ELMO1: variants seen among roughly 807,000 people sequenced by gnomAD.
ELMO1 encodes the protein engulfment and cell motility 1.
In ELMO1, 26 loss-of-function variants were observed where a neutral mutation model predicts 98.9. The observed-to-expected ratio is 0.26, with a 90% confidence interval of 0.19 to 0.36. ELMO1 has a LOEUF of 0.36. Ranked by LOEUF, ELMO1 falls within the 10% of genes least tolerant of loss-of-function variation. The pLI, the probability that ELMO1 is intolerant of heterozygous loss-of-function variation, is 1.00. For synonymous variants in ELMO1, 346 were observed against 346.0 expected (o/e 1.00, Z 0.00); for missense variants, 627 against 935.2 (o/e 0.67, Z 4.30).
At chr7:37,031,717 G>C (rs1466122171) in intron 15 of ELMO1, among the ~76,000 whole-genome samples, 1 of 152,090 alleles carries the variant, frequency 6.6e-6, no homozygotes, top group African/African-American at 2.4e-5. Flanking sequence ...TCAGTACTTA[G>C]GGCCTCAAAA....
intron 15 of ELMO1, among the ~76,000 whole-genome samples, chr7:37,017,135 C>T (rs1793988105): frequency 6.6e-6 from 1 of 152,174 alleles, no homozygotes; most frequent in Non-Finnish European, 1.5e-5. Flanking sequence ...GTTACGCTCC[C>T]CTTCTGGACC....
intron 13 of ELMO1, among the ~76,000 whole-genome samples, chr7:37,149,343 G>T (rs1788207417): frequency 6.6e-6 from 1 of 152,198 alleles, no homozygotes; most frequent in Non-Finnish European, 1.5e-5. Flanking sequence ...AATTGTGGGG[G>T]TAGGAGCCAA....
chr7:37,068,725 T>C (rs1797114537), intron 15 of ELMO1, among the ~76,000 whole-genome samples: 1 of 152,112 alleles, frequency 6.6e-6, no homozygotes, highest in African/African-American at 2.4e-5. Flanking sequence ...CATGCTGGTT[T>C]ACAAAAGGGG....
At position 37,384,110 on chromosome 7, in the gene ELMO1, C is replaced by T. The variant is rs890373595; in HGVS notation, c.-73-41347G>A. Among the ~76,000 whole-genome samples the T allele has an allele frequency of 1.2e-4, 19 of 152,144 alleles. No homozygotes were observed. The South Asian group carries it at 2.5e-3, about 20-fold the overall frequency. Reference sequence around the variant, plus strand: ...GATTACAGGCGTGAGCCACTGTGCCCGGCCGAAACATACAGGTTTTGATGG... The same window carrying T: ...GATTACAGGCGTGAGCCACTGTGCCTGGCCGAAACATACAGGTTTTGATGG... On this transcript the variant is annotated intron_variant, in intron 1 of 21. Coordinates refer to ENST00000310758, the MANE Select transcript of ELMO1 (RefSeq NM_014800.11).
At chr7:37,448,361 C>T (rs114514945) in intron 1 of ELMO1, among the ~76,000 whole-genome samples, 1 of 151,534 alleles carries the variant, frequency 6.6e-6, no homozygotes, top group East Asian at 1.9e-4. Context: ...GCCCCGGGCC[C>T]TGCGCTTCAT....
chr7:37,220,690 T>C (rs576836976), intron 10 of ELMO1, among the ~76,000 whole-genome samples: 1 of 152,210 alleles, frequency 6.6e-6, no homozygotes, highest in Non-Finnish European at 1.5e-5. Flanking sequence ...AAATGAACAG[T>C]AGTGTTTGGT....
rs186353837 is a variant in ELMO1, at chr7:37,122,197, G to A, written c.1191+10933C>T. ...CTGCAAAATCATGCCAAATTGTAAA[G>A]ACCATTGAGACTAGGAAGAAACTGC... On this transcript the variant is annotated intron_variant, in intron 14 of 21. Transcript: ENST00000310758. Among the ~76,000 whole-genome samples the A allele has an allele frequency of 1.9e-3, 289 of 152,312 alleles. 2 individuals carry two copies. Among genetic ancestry groups the A allele is most frequent in the Non-Finnish European group, 3.2e-3 (221 of 68,032 alleles).
At chr7:37,318,885 T>C (rs1047151663) in intron 2 of ELMO1, among the ~76,000 whole-genome samples, 3 of 152,196 alleles carry the variant, frequency 2.0e-5, no homozygotes, top group Admixed American at 2.0e-4. Flanking sequence ...CTTCCTTCTT[T>C]TTGAAACCCC....
chr7:37,440,957 A>T (rs1209965301), intron 1 of ELMO1, among the ~76,000 whole-genome samples: 1 of 152,096 alleles, frequency 6.6e-6, no homozygotes, highest in African/African-American at 2.4e-5. Flanking sequence ...GGCCAAGGGT[A>T]AAGCCAGCTG....
At chr7:37,374,200 C>A (rs1802232177) in intron 1 of ELMO1, among the ~76,000 whole-genome samples, 2 of 152,136 alleles carry the variant, frequency 1.3e-5, no homozygotes, top group Admixed American at 6.5e-5. Flanking sequence ...GCCCTAACAC[C>A]AGTATGCCAG....
At chr7:37,094,105 G>A (rs1784257017) in intron 15 of ELMO1, among the ~76,000 whole-genome samples, 1 of 152,158 alleles carries the variant, frequency 6.6e-6, no homozygotes, top group African/African-American at 2.4e-5. Flanking sequence ...GTGGCATGTT[G>A]TAAGTACTGG....
intron 16 of ELMO1, among the ~76,000 whole-genome samples, chr7:37,009,340 G>A (rs1793384418): frequency 6.6e-6 from 1 of 152,144 alleles, no homozygotes; most frequent in Non-Finnish European, 1.5e-5. Context: ...GTGCTATATT[G>A]AGAAACTGAA....
At chr7:37,286,893 A>G (rs1179327303) in intron 4 of ELMO1, among the ~76,000 whole-genome samples, 1 of 152,178 alleles carries the variant, frequency 6.6e-6, no homozygotes, top group Non-Finnish European at 1.5e-5. Context: ...TTATCCAAAT[A>G]TTTTAAAAAT....
At chr7:37,161,016 T>C (rs927705369) in intron 13 of ELMO1, among the ~76,000 whole-genome samples, 2 of 152,136 alleles carry the variant, frequency 1.3e-5, no homozygotes, top group African/African-American at 2.4e-5. Flanking sequence ...TGGAAAGTAA[T>C]AGTATTACTC....
intron 16 of ELMO1, among the ~76,000 whole-genome samples, chr7:37,011,351 C>T (rs1251182512): frequency 3.3e-5 from 5 of 152,160 alleles, no homozygotes; most frequent in Non-Finnish European, 7.3e-5. Context: ...CTGTGCCCAC[C>T]TCCTCCATCC....
rs555775075 is a variant in ELMO1, at chr7:37,351,732, C to A, written c.-73-8969G>T. Among the ~76,000 whole-genome samples, 8 of 152,340 alleles carry A rather than the reference C, an allele frequency of 5.3e-5. No individual in the cohort carries two copies. The South Asian group carries it at 1.5e-3, about 28-fold the overall frequency. ...TCCTAATATATCAACCTAACCATAT[C>A]TGTTTACTGCCCTGAGTTCCAAACT... On this transcript the variant is annotated intron_variant, in intron 1 of 21. Transcript: ENST00000310758.
intron 2 of ELMO1, among the ~76,000 whole-genome samples, chr7:37,322,098 T>C (rs1483825626): frequency 6.6e-6 from 1 of 151,270 alleles, no homozygotes; most frequent in Non-Finnish European, 1.5e-5. Flanking sequence ...GACCTCATGA[T>C]CCGCCCGCCT....
intron 16 of ELMO1, among the ~76,000 whole-genome samples, chr7:36,970,179 TAACA>T (rs1292245039): frequency 1.8e-5 from 2 of 113,152 alleles, no homozygotes; most frequent in African/African-American, 4.3e-5. Flanking sequence ...TTCATACACT[TAACA>T]CACACACACA....
chr7:37,236,617 C>G (rs187827331), intron 7 of ELMO1, among the ~76,000 whole-genome samples: 1 of 152,208 alleles, frequency 6.6e-6, no homozygotes, highest in East Asian at 1.9e-4. Flanking sequence ...TTCTGTATTA[C>G]ACACATATTC....
Sources: gnomAD v4.1 joint callset for allele counts (sites outside exome capture counted in the v4.1 genomes callset) on GRCh38, gnomAD v4.1.1 for gene constraint, MANE v1.5 for transcripts, NCBI Gene and HGNC (gene_info 2026-07-23, HGNC 2026-07-21) for gene names.